HNRNPU: variants seen among roughly 807,000 people sequenced by gnomAD.
The protein encoded by HNRNPU is HNRNPU antisense RNA 1.
HNRNPU carries 5 observed loss-of-function variants against 94.7 expected under a neutral mutation model. The ratio of observed to expected loss-of-function variants is 0.05; its 90% confidence interval spans 0.03 to 0.11. The LOEUF (loss-of-function observed/expected upper bound fraction) is 0.11. HNRNPU is among the 10% of genes least tolerant of loss of function. The pLI is 1.00. For missense variants in HNRNPU, 710 were observed against 1,049.2 expected (o/e 0.68, Z 4.47); for synonymous variants, 434 against 381.6 (o/e 1.14, Z -1.60).
rs1030044978 is a variant in HNRNPU, at chr1:244,856,909, T to C, written c.1615-53A>G. On this transcript the variant is annotated intron_variant, in intron 8 of 13. Transcript: ENST00000640218. The stretch of plus-strand genomic sequence containing the variant: ...TGAACTTGTGAATTTTAATAAGTTA[T>C]GCTTTTTAAAATTCAACTCATATCT... The C allele has an allele frequency of 3.5e-5, 52 of 1,469,220 alleles. No individual in the cohort carries two copies. In the African/African-American group the frequency reaches 5.1e-4, roughly 14 times the overall value. The allele number at this position is 1,469,220 out of a possible 1,614,324, so 91.0% of individuals were successfully genotyped here.
At chr1:244,862,969 C>T in intron 1 of HNRNPU, 2 of 560,352 alleles carry the variant, frequency 3.6e-6, no homozygotes, top group Admixed American at 3.2e-5. Flanking sequence ...CAAAGAAAAA[C>T]TGCGCGGCCC....
At position 244,863,631 on chromosome 1, in the gene HNRNPU, C is replaced by G; in HGVS notation, c.677G>C (p.Gly226Ala). The G allele has an allele frequency of 6.5e-7, 1 of 1,540,290 alleles. No homozygotes were observed. Among genetic ancestry groups the G allele is most frequent in the Non-Finnish European group, 8.6e-7 (1 of 1,156,822 alleles). Reference protein sequence around the residue: ...AEGGGGGGRPGAPAAGDGKTE... With the variant: ...AEGGGGGGRPAAPAAGDGKTE... ...GCAGCACTCACCCGCCGCCGGAGCC[C>G]CGGGGCGACCGCCGCCTCCGCCGCC... The change falls in exon 1 of 14, where the codon GGG (glycine) becomes GCG (alanine). Residue 226 changes from glycine (G) to alanine (A), a missense_variant. This residue lies in a region of HNRNPU where 292 missense variants were observed against 293.4 expected (regional missense o/e 1.00). Transcript: ENST00000640218.
intron 11 of HNRNPU, 68 bp from the exon 12 acceptor site, chr1:244,855,676 C>A: frequency 4.7e-6 from 7 of 1,495,564 alleles, no homozygotes; most frequent in Non-Finnish European, 5.5e-6. Context: ...ACTTAGGATT[C>A]CTCTAGATTG....
At position 244,864,300 on chromosome 1, in the gene HNRNPU, G is replaced by T; in HGVS notation, c.8C>A (p.Ser3Tyr). The change falls in exon 1 of 14, where the codon TCC (serine) becomes TAC (tyrosine). Residue 3 changes from serine to tyrosine, a missense_variant. Ser to Tyr is a moderately radical substitution (Grantham distance 144, BLOSUM62 -2). Transcript: ENST00000640218. ...CAGCTTTTTTACATTAACAGGCGAGGAACTCATGGTGAGGGCCCCGATTCA... is the reference window on the plus strand; with the variant it reads ...CAGCTTTTTTACATTAACAGGCGAGTAACTCATGGTGAGGGCCCCGATTCA... MSSSPVNVKKLKV... is the reference protein window; with the variant it reads MSYSPVNVKKLKV... The T allele has an allele frequency of 6.2e-7, 1 of 1,612,778 alleles. No homozygotes were observed. The highest frequency in any genetic ancestry group is 8.5e-7 in the Non-Finnish European group (1 of 1,179,704).
In HNRNPU at chr1:244,855,127, G is replaced by T. The variant is rs536576946; in HGVS notation, c.2353-83C>A. The T allele has an allele frequency of 4.6e-6, 5 of 1,077,352 alleles. No homozygotes were observed. In the Admixed American group the frequency reaches 6.8e-5, roughly 15 times the overall value. 66.7% of individuals were successfully genotyped at this position (1,077,352 alleles called of 1,614,324 possible). A position where few individuals can be genotyped will look rare whatever the true frequency, so the allele number is the denominator to read the frequency against. On this transcript the variant is annotated intron_variant, in intron 12 of 13. Coordinates refer to ENST00000640218, the MANE Select transcript of HNRNPU (RefSeq NM_031844.3). ...GGGGTGAGAGAGAGGAGCAGAAATG[G>T]ACAGGTTGCTAGCCCCTAATCTTAG...
intron 3 of HNRNPU, 116 bp from the exon 4 acceptor site, chr1:244,860,590 T>G: frequency 1.4e-6 from 1 of 724,958 alleles, no homozygotes; most frequent in Non-Finnish European, 2.3e-6. Flanking sequence ...GCACAACTTT[T>G]CTCCACATCA....
At chr1:244,858,382 A>G (rs914385228) in intron 6 of HNRNPU, 108 bp from the exon 7 acceptor site, 13 of 1,055,808 alleles carry the variant, frequency 1.2e-5, no homozygotes, top group African/African-American at 1.6e-5. Flanking sequence ...GCTACAGGTT[A>G]AAGAACTATT....
chr1:244,863,065 G>C, intron 1 of HNRNPU: 1 of 298,294 alleles, frequency 3.4e-6, no homozygotes, highest in Non-Finnish European at 6.2e-6. Context: ...CTCCCCCGCG[G>C]GCCCGCGCTC....
In HNRNPU at chr1:244,856,775, A is replaced by G. The variant is rs1441243802; in HGVS notation, c.1696T>C (p.Phe566Leu). The G allele has an allele frequency of 6.2e-7, 1 of 1,612,642 alleles. No individual in the cohort carries two copies. The highest frequency in any genetic ancestry group is 8.5e-7 in the Non-Finnish European group (1 of 1,179,588). Reference sequence around the variant, plus strand: ...TTCTTTCGGGCAGCAATCTCAATAAATTTCCCAAGACACTGGGGGGCTCTC... The same window carrying G: ...TTCTTTCGGGCAGCAATCTCAATAAGTTTCCCAAGACACTGGGGGGCTCTC... Reference protein sequence around the residue: ...LQRAPQCLGKFIEIAARKKRN... With the variant: ...LQRAPQCLGKLIEIAARKKRN... The change falls in exon 9 of 14, where the codon TTT becomes CTT. Residue 566 changes from phenylalanine to leucine, a missense_variant. By Grantham distance (22) the Phe-to-Leu change is conservative. Coordinates refer to ENST00000640218, the MANE Select transcript of HNRNPU (RefSeq NM_031844.3).
chr1:244,858,703 TA>T (rs1386903363), intron 6 of HNRNPU, 25 bp downstream of exon 6: 1 of 1,257,584 alleles, frequency 8.0e-7, no homozygotes, highest in African/African-American at 1.5e-5. Flanking sequence ...TTGCCATTTA[TA>T]CATAGAAAGT....
intron 7 of HNRNPU, 139 bp from the exon 8 acceptor site, chr1:244,857,856 T>C: frequency 7.5e-7 from 1 of 1,334,116 alleles, no homozygotes; most frequent in Non-Finnish European, 1.0e-6. Flanking sequence ...TATGGAAAGA[T>C]TAACAGTCAA....
chr1:244,859,454 C>T (rs541576889), intron 4 of HNRNPU, 80 bp from the exon 5 acceptor site: 42 of 695,730 alleles, frequency 6.0e-5, no homozygotes, highest in East Asian at 2.9e-4. Flanking sequence ...CATTGCGCCA[C>T]GGGCTAATCT....
chr1:244,860,533 G>A (rs758267205), intron 3 of HNRNPU, 59 bp from the exon 4 acceptor site: 6 of 1,386,970 alleles, frequency 4.3e-6, no homozygotes, highest in African/African-American at 1.4e-5. Context: ...TATCTGCTAT[G>A]TAGACAAAAC....
chr1:244,857,328 C>T, intron 8 of HNRNPU: 3 of 327,650 alleles, frequency 9.2e-6, no homozygotes, highest in South Asian at 1.2e-4. Context: ...TCACTGCAAC[C>T]TCTGCCTCCC....
Position 244,863,879 on chromosome 1 carries a change from A to G in HNRNPU, c.429T>C (p.Asp143=), listed in dbSNP as rs555895621. The part of the protein sequence containing the change: ...GDDQGFQEGE[D]ELGDEEEGAG... ...CGCCTTCCTCTTCGTCCCCGAGCTCATCTTCCCCTTCCTGGAAACCCTGAT... is the reference window on the plus strand; with the variant it reads ...CGCCTTCCTCTTCGTCCCCGAGCTCGTCTTCCCCTTCCTGGAAACCCTGAT... The change falls in exon 1 of 14, where the codon GAT becomes GAC. Residue 143 remains aspartate, a synonymous_variant. Coordinates refer to ENST00000640218, the MANE Select transcript of HNRNPU (RefSeq NM_031844.3). The G allele has an allele frequency of 1.0e-4, 161 of 1,612,704 alleles. No homozygotes were observed. In the South Asian group the frequency reaches 1.4e-3, roughly 14 times the overall value.
chr1:244,856,225 A>G, intron 10 of HNRNPU, 67 bp from the exon 11 acceptor site: 1 of 1,470,412 alleles, frequency 6.8e-7, no homozygotes, highest in South Asian at 1.3e-5. Flanking sequence ...CCTAAAGCTG[A>G]CAATTCTTGA....
intron 5 of HNRNPU, 79 bp from the exon 6 acceptor site, chr1:244,858,920 G>A: frequency 4.3e-6 from 3 of 696,928 alleles, no homozygotes; most frequent in Non-Finnish European, 7.5e-6. Context: ...TTAAGATGTA[G>A]GCTACAAGAG....
Position 244,854,333 on chromosome 1 carries a change from G to A in HNRNPU, c.*117C>T. On this transcript the variant is annotated 3_prime_UTR_variant, in exon 14 of 14. Transcript: ENST00000640218. ...ATCAACCCACAAAGCTTCTAAAAAAGGAACCCGCAGGCACTTCCTCTTGTG... is the reference window on the plus strand; with the variant it reads ...ATCAACCCACAAAGCTTCTAAAAAAAGAACCCGCAGGCACTTCCTCTTGTG... 2 of 731,736 alleles carry A rather than the reference G, an allele frequency of 2.7e-6. No homozygotes were observed. Among genetic ancestry groups the A allele is most frequent in the South Asian group, 1.6e-5 (1 of 62,880 alleles). The allele number at this position is 731,736 out of a possible 1,614,324, so 45.3% of individuals were successfully genotyped here.
intron 3 of HNRNPU, chr1:244,861,532 G>T (rs1680828640): frequency 6.6e-6 from 1 of 152,140 alleles, no homozygotes. Flanking sequence ...ATTCCAGTAA[G>T]AAAGAGTTTT....
Sources: gnomAD v4.1 joint callset for allele counts on GRCh38, gnomAD v4.1.1 for gene constraint, gnomAD v4.1.1 regional missense constraint, MANE v1.5 for transcripts, NCBI Gene and HGNC (gene_info 2026-07-23, HGNC 2026-07-21) for gene names.